NTNG1: variants seen among roughly 807,000 people sequenced by gnomAD.
The protein encoded by NTNG1 is netrin G1.
In NTNG1, 16 loss-of-function variants were observed where a neutral mutation model predicts 54.0. The observed-to-expected ratio is 0.30, with a 90% CI of 0.20 to 0.45. The LOEUF (loss-of-function observed/expected upper bound fraction) is 0.45. Among genes scored for constraint, NTNG1 ranks in the 20% least tolerant of loss-of-function variants. The pLI is 1.00. For synonymous variants in NTNG1, 255 were observed against 263.1 expected (o/e 0.97, Z 0.30); for missense variants, 530 against 678.7 (o/e 0.78, Z 2.43).
intron 2 of NTNG1, among the ~76,000 whole-genome samples, chr1:107,159,698 C>T (rs1055709011): frequency 2.0e-5 from 3 of 152,112 alleles, no homozygotes; most frequent in Admixed American, 2.0e-4. Flanking sequence ...TTTAAAAAAT[C>T]AAATTTTTGA....
At chr1:107,465,787 G>A (rs1677567548) in intron 7 of NTNG1, among the ~76,000 whole-genome samples, 1 of 152,216 alleles carries the variant, frequency 6.6e-6, no homozygotes, top group South Asian at 2.1e-4. Flanking sequence ...TCAGTCGCCA[G>A]GAGGACTTAT....
intron 3 of NTNG1, among the ~76,000 whole-genome samples, chr1:107,375,190 A>G (rs1671155674): frequency 6.6e-6 from 1 of 152,140 alleles, no homozygotes; most frequent in South Asian, 2.1e-4. Context: ...TTTTCTCTCC[A>G]GTACTTAGCC....
chr1:107,234,126 A>T (rs1049006124), intron 2 of NTNG1, among the ~76,000 whole-genome samples: 1 of 152,132 alleles, frequency 6.6e-6, no homozygotes, highest in Middle Eastern at 3.4e-3. Flanking sequence ...TAGGGCTGTT[A>T]AGAGAGGGGG....
intron 7 of NTNG1, among the ~76,000 whole-genome samples, chr1:107,468,426 C>T (rs747121826): frequency 6.6e-6 from 1 of 152,192 alleles, no homozygotes; most frequent in Non-Finnish European, 1.5e-5. Context: ...TTTCTTAATG[C>T]TGGGATATCA....
chr1:107,461,495 G>A (rs1257257179), intron 7 of NTNG1, among the ~76,000 whole-genome samples: 1 of 152,040 alleles, frequency 6.6e-6, no homozygotes, highest in Admixed American at 6.5e-5. Context: ...ACCCATCCTT[G>A]AAGGCCAACA....
chr1:107,200,001 G>A (rs887109476), intron 2 of NTNG1, among the ~76,000 whole-genome samples: 2 of 151,754 alleles, frequency 1.3e-5, no homozygotes, highest in Non-Finnish European at 1.5e-5. Context: ...GATCTTCATG[G>A]AATCATGGGG....
chr1:107,163,939 T>C (rs577176872), intron 2 of NTNG1, among the ~76,000 whole-genome samples: 27 of 152,190 alleles, frequency 1.8e-4, no homozygotes, highest in Non-Finnish European at 3.5e-4. Context: ...AAATCAATTA[T>C]TTTGGCTGCC....
chr1:107,270,598 A>G (rs538932677), intron 2 of NTNG1, among the ~76,000 whole-genome samples: 1 of 152,248 alleles, frequency 6.6e-6, no homozygotes, highest in African/African-American at 2.4e-5. Flanking sequence ...GCTGTTTACC[A>G]GTAGTTCATA....
intron 2 of NTNG1, among the ~76,000 whole-genome samples, chr1:107,276,720 G>A (rs376046834): frequency 9.2e-5 from 14 of 152,000 alleles, no homozygotes; most frequent in South Asian, 2.1e-4. Flanking sequence ...ACAGTAAGTC[G>A]TCACTAATTG....
chr1:107,261,749 G>T (rs112932809), intron 2 of NTNG1, among the ~76,000 whole-genome samples: 4 of 152,014 alleles, frequency 2.6e-5, no homozygotes, highest in African/African-American at 7.2e-5. Flanking sequence ...AGGCTGAGGC[G>T]GGAGAATGGC....
intron 2 of NTNG1, among the ~76,000 whole-genome samples, chr1:107,181,216 T>C (rs1364285651): frequency 6.6e-6 from 1 of 152,190 alleles, no homozygotes; most frequent in African/African-American, 2.4e-5. Context: ...GAAAAGAATT[T>C]TGTATTCAGA....
chr1:107,291,142 C>G (rs1189159547), intron 2 of NTNG1, among the ~76,000 whole-genome samples: 1 of 151,600 alleles, frequency 6.6e-6, no homozygotes, highest in Admixed American at 6.6e-5. Flanking sequence ...TTTGCCTCCC[C>G]CTCCTCAGCC....
chr1:107,221,700 G>C (rs1459369109), intron 2 of NTNG1, among the ~76,000 whole-genome samples: 1 of 152,170 alleles, frequency 6.6e-6, no homozygotes, highest in East Asian at 1.9e-4. Context: ...CTTGGGCCGT[G>C]GCTGGCACCT....
At chr1:107,249,518 A>G (rs7555196) in intron 2 of NTNG1, among the ~76,000 whole-genome samples, 1,710 of 151,620 alleles carry the variant, frequency 0.011, 29 homozygotes, top group African/African-American at 0.039. Flanking sequence ...TTGGGTAACT[A>G]TATGTGTATT....
Position 107,380,501 on chromosome 1 carries a change from C to T in NTNG1, c.888-14653C>T, listed in dbSNP as rs191265402. ...TAGTGATACTTTCTTGTATCTCTCT[C>T]ATAAAGCTGCTGTATAAATGAAGTA... On this transcript the variant is annotated intron_variant, in intron 3 of 7. Coordinates refer to ENST00000370068, the MANE Select transcript of NTNG1 (RefSeq NM_001113226.3). Among the ~76,000 whole-genome samples the T allele has an allele frequency of 2.2e-3, 335 of 152,212 alleles. 1 individual carries two copies. Among genetic ancestry groups the T allele is most frequent in the African/African-American group, 7.5e-3 (313 of 41,520 alleles).
rs1043653072 is a variant in NTNG1 at position 107,419,527 on chromosome 1, A to G, written c.1088-11223A>G. Among the ~76,000 whole-genome samples the G allele has an allele frequency of 1.3e-5, 2 of 151,878 alleles. 1 individual carries two copies. The highest frequency in any genetic ancestry group is 4.1e-4 in the South Asian group (2 of 4,826). ...TTCATAAGCTGCAGTGTAATGTTAA[A>G]TTTATATTAACATCTAGCCTATAGA... On this transcript the variant is annotated intron_variant, in intron 5 of 7. Coordinates refer to ENST00000370068, the MANE Select transcript of NTNG1 (RefSeq NM_001113226.3).
chr1:107,418,824 A>T (rs1471424738), intron 5 of NTNG1, among the ~76,000 whole-genome samples: 3 of 152,002 alleles, frequency 2.0e-5, no homozygotes, highest in African/African-American at 7.2e-5. Context: ...GTGAAAGATG[A>T]AGGGGAAAAT....
chr1:107,318,942 A>G (rs1667487977), intron 2 of NTNG1, among the ~76,000 whole-genome samples: 1 of 152,120 alleles, frequency 6.6e-6, no homozygotes, highest in Non-Finnish European at 1.5e-5. Context: ...TCCTGTCTGA[A>G]GATATACAGT....
At chr1:107,351,384 G>T (rs1490217400) in intron 3 of NTNG1, among the ~76,000 whole-genome samples, 1 of 152,226 alleles carries the variant, frequency 6.6e-6, no homozygotes, top group African/African-American at 2.4e-5. Flanking sequence ...AAGCATGGCA[G>T]CAGCTGCTTC....
Sources: allele counts gnomAD v4.1 joint callset (sites outside exome capture counted in the v4.1 genomes callset), GRCh38; gene constraint gnomAD v4.1.1; transcripts MANE v1.5; gene names NCBI Gene and HGNC (gene_info 2026-07-23, HGNC 2026-07-21).